The following ARHGAP44 variants were observed in gnomAD, a reference collection of about 807,000 sequenced individuals.
ARHGAP44 encodes the protein rho GTPase-activating protein 44.
ARHGAP44 carries 43 observed loss-of-function variants against 106.8 expected under a neutral mutation model. The ratio of observed to expected loss-of-function variants is 0.40; its 90% confidence interval spans 0.32 to 0.52. ARHGAP44 has a LOEUF of 0.52. ARHGAP44 is among the 20% of genes least tolerant of loss of function. The probability of loss-of-function intolerance (pLI) is 0.48; values close to 1 mark genes in which losing one functional copy is unlikely to be tolerated. For synonymous variants in ARHGAP44, 439 were observed against 410.3 expected, an observed-to-expected ratio of 1.07 and a Z score of -0.85; for missense variants, 866 against 1,050.5, an observed-to-expected ratio of 0.82 and a Z score of 2.43.
At chr17:12,973,521 G>T in intron 17 of ARHGAP44, 1 of 613,030 alleles carries the variant, frequency 1.6e-6, no homozygotes, top group Non-Finnish European at 2.9e-6. Context: ...CTGCTGTGTA[G>T]ACAAGTGGGA....
At chr17:12,889,631 T>C (rs2322657) in intron 1 of ARHGAP44, among the ~76,000 whole-genome samples, 112,461 of 152,064 alleles carry the variant, frequency 0.74, 41,937 homozygotes, top group East Asian at 0.98. Flanking sequence ...AATTCATGTC[T>C]TCACATGAAA....
At chr17:12,942,438 C>G (rs6502220) in intron 8 of ARHGAP44, among the ~76,000 whole-genome samples, 110,061 of 152,140 alleles carry the variant, frequency 0.72, 40,094 homozygotes, top group African/African-American at 0.79. Context: ...GAGCCACCGT[C>G]CCTGGTGGAA....
chr17:12,831,802 G>A (rs1382998990), intron 1 of ARHGAP44, among the ~76,000 whole-genome samples: 2 of 152,190 alleles, frequency 1.3e-5, no homozygotes. Context: ...GGGGCCTACA[G>A]TCAGATGTTG....
At chr17:12,812,413 C>T (rs2034466320) in intron 1 of ARHGAP44, among the ~76,000 whole-genome samples, 2 of 152,112 alleles carry the variant, frequency 1.3e-5, no homozygotes, top group Non-Finnish European at 2.9e-5. Context: ...TAGCAAAGTA[C>T]ACTAAAGCAA....
chr17:12,920,219 CA>C (rs1294184930), intron 6 of ARHGAP44, among the ~76,000 whole-genome samples: 7 of 151,076 alleles, frequency 4.6e-5, no homozygotes, highest in South Asian at 2.1e-4. Flanking sequence ...ACTAAAAATA[CA>C]AAAAAATTAG....
chr17:12,931,398 C>G (rs2038395418), intron 7 of ARHGAP44, among the ~76,000 whole-genome samples: 1 of 151,770 alleles, frequency 6.6e-6, no homozygotes, highest in South Asian at 2.1e-4. Context: ...ATAAAACAGT[C>G]ATATTATTTA....
At chr17:12,835,528 G>A (rs1368278010) in intron 1 of ARHGAP44, among the ~76,000 whole-genome samples, 5 of 152,066 alleles carry the variant, frequency 3.3e-5, no homozygotes, top group East Asian at 1.9e-4. Flanking sequence ...GATAAAATGA[G>A]TATTTGTGAT....
intron 1 of ARHGAP44, among the ~76,000 whole-genome samples, chr17:12,852,483 T>C (rs1392439769): frequency 5.9e-5 from 9 of 151,294 alleles, no homozygotes; most frequent in African/African-American, 2.2e-4. Flanking sequence ...TGCTTATATC[T>C]TTTGTATTTA....
intron 1 of ARHGAP44, among the ~76,000 whole-genome samples, chr17:12,842,713 G>A (rs563502584): frequency 5.3e-5 from 8 of 152,272 alleles, no homozygotes; most frequent in South Asian, 4.1e-4. Flanking sequence ...ACTAAACCCC[G>A]ACTGTGTATC....
chr17:12,903,130 A>AGTGTGT (rs1567677758), intron 3 of ARHGAP44, among the ~76,000 whole-genome samples: 37 of 116,704 alleles, frequency 3.2e-4, no homozygotes, highest in African/African-American at 1.1e-3. Context: ...GAGAGAGGAG[A>AGTGTGT]GAGAGAGAGA....
chr17:12,853,207 G>A (rs535402578), intron 1 of ARHGAP44, among the ~76,000 whole-genome samples: 2 of 152,326 alleles, frequency 1.3e-5, no homozygotes, highest in African/African-American at 4.8e-5. Context: ...TGAAGAACTT[G>A]GAGTCTGATG....
intron 16 of ARHGAP44, among the ~76,000 whole-genome samples, chr17:12,960,775 G>C (rs1009757874): frequency 6.6e-6 from 1 of 151,986 alleles, no homozygotes; most frequent in African/African-American, 2.4e-5. Flanking sequence ...TGTTGGCCAG[G>C]CTGGTCTCGA....
At chr17:12,936,522 A>T (rs2038554307) in intron 7 of ARHGAP44, among the ~76,000 whole-genome samples, 1 of 152,208 alleles carries the variant, frequency 6.6e-6, no homozygotes, top group Non-Finnish European at 1.5e-5. Flanking sequence ...TTCATGGCTT[A>T]ACAACTCATT....
intron 4 of ARHGAP44, among the ~76,000 whole-genome samples, chr17:12,915,438 G>A (rs371686999): frequency 1.3e-5 from 2 of 152,072 alleles, no homozygotes; most frequent in Admixed American, 6.5e-5. Flanking sequence ...TCAACTTTTG[G>A]ATTTTTTTTC....
In ARHGAP44 at chr17:12,789,731, G is replaced by C; in HGVS notation, c.-108G>C. On this transcript the variant is annotated 5_prime_UTR_variant, in exon 1 of 21. Coordinates refer to ENST00000379672, the MANE Select transcript of ARHGAP44 (RefSeq NM_014859.6). ...CGGCGCCCGGAGGCTCCGCAGTGCC[G>C]CCGCCGTCGCCCGGGAGGCTCCGCG... is the stretch of plus-strand genomic sequence containing the variant. The C allele has an allele frequency of 9.2e-7, 1 of 1,090,256 alleles. No individual in the cohort carries two copies. The highest frequency in any genetic ancestry group is 1.2e-6 in the Non-Finnish European group (1 of 829,908). 67.5% of individuals were successfully genotyped at this position (1,090,256 alleles called of 1,614,324 possible).
intron 1 of ARHGAP44, among the ~76,000 whole-genome samples, chr17:12,806,085 C>T (rs909654787): frequency 9.9e-5 from 15 of 152,202 alleles, no homozygotes; most frequent in Non-Finnish European, 2.1e-4. Flanking sequence ...GGAAATCTGG[C>T]GTACACTATA....
At chr17:12,815,797 G>A (rs1285646249) in intron 1 of ARHGAP44, among the ~76,000 whole-genome samples, 1 of 152,222 alleles carries the variant, frequency 6.6e-6, no homozygotes, top group Non-Finnish European at 1.5e-5. Context: ...GAACTTGAAA[G>A]TGAGCCGTTA....
Position 12,958,625 on chromosome 17 carries a change from G to A in ARHGAP44, c.1343-92G>A, listed in dbSNP as rs1454486150. On this transcript the variant is annotated intron_variant, in intron 15 of 20. Transcript: ENST00000379672. This position sits in a 1 kb window ranked among gnomAD's most constrained non-coding sequence, Gnocchi z 4.1. ...ATGAAATTTTCTAGGGATGACATAC[G>A]AGGGAGTGGGTGTCTGGACTCATTC... is the stretch of plus-strand genomic sequence containing the variant. 20 of 1,226,758 alleles carry A rather than the reference G, an allele frequency of 1.6e-5. No individual in the cohort carries two copies. Among genetic ancestry groups the A allele is most frequent in the Non-Finnish European group, 2.2e-5 (19 of 864,672 alleles). 76.0% of individuals were successfully genotyped at this position (1,226,758 alleles called of 1,614,324 possible).
At position 12,791,002 on chromosome 17, in the gene ARHGAP44, G is replaced by C. The variant is rs373864844; in HGVS notation, c.53+1111G>C. On this transcript the variant is annotated intron_variant, in intron 1 of 20. Coordinates refer to ENST00000379672, the MANE Select transcript of ARHGAP44 (RefSeq NM_014859.6). ...ACGGAGAAACCGAATACCTTTCTTGGGTGGGAAGTGGAGCCTGAACTGGCA... is the reference window on the plus strand; with the variant it reads ...ACGGAGAAACCGAATACCTTTCTTGCGTGGGAAGTGGAGCCTGAACTGGCA... Among the ~76,000 whole-genome samples, 10 of 152,114 alleles carry C rather than the reference G, an allele frequency of 6.6e-5. No individual in the cohort carries two copies. The East Asian group carries it at 1.9e-3, about 29-fold the overall frequency.
Sources: allele counts gnomAD v4.1 joint callset (sites outside exome capture counted in the v4.1 genomes callset), GRCh38; gene constraint gnomAD v4.1.1; non-coding constraint Gnocchi (gnomAD v3.1); transcripts MANE v1.5; gene names NCBI Gene and HGNC (gene_info 2026-07-23, HGNC 2026-07-21).